TBC1D5: variants seen among roughly 807,000 people sequenced by gnomAD.
TBC1D5 encodes the protein TBC1 domain family member 5.
Under a neutral mutation model 100.3 loss-of-function variants are expected in TBC1D5, and 75 were observed. That is an observed-to-expected ratio of 0.75 (90% confidence interval 0.62 to 0.91). TBC1D5 has a LOEUF of 0.91. Among genes scored for constraint, TBC1D5 ranks in the 40% least tolerant of loss-of-function variants. TBC1D5 has a pLI of 0.00. For missense variants in TBC1D5, 910 were observed against 942.4 expected (o/e 0.97, Z 0.45); for synonymous variants, 323 against 325.6 (o/e 0.99, Z 0.09).
chr3:17,696,777 C>G (rs1204680371), intron 1 of TBC1D5, among the ~76,000 whole-genome samples: 1 of 152,122 alleles, frequency 6.6e-6, no homozygotes, highest in African/African-American at 2.4e-5. Context: ...TTCCCGATAC[C>G]AAAGCCTGGC....
At chr3:17,308,776 T>A (rs140588843) in intron 13 of TBC1D5, among the ~76,000 whole-genome samples, 1 of 152,134 alleles carries the variant, frequency 6.6e-6, no homozygotes, top group Non-Finnish European at 1.5e-5. Flanking sequence ...GGAGTGTTTT[T>A]CAAACTTACT....
chr3:17,540,059 A>T (rs905816233), intron 2 of TBC1D5, among the ~76,000 whole-genome samples: 1 of 152,170 alleles, frequency 6.6e-6, no homozygotes, highest in Non-Finnish European at 1.5e-5. Flanking sequence ...GTGGTATTTC[A>T]TTATAGTTTT....
intron 15 of TBC1D5, among the ~76,000 whole-genome samples, chr3:17,260,687 A>ACAC (rs1161090603): frequency 1.3e-5 from 2 of 152,234 alleles, no homozygotes; most frequent in Non-Finnish European, 2.9e-5. Context: ...AAATATACAG[A>ACAC]CATATAGATG....
intron 3 of TBC1D5, among the ~76,000 whole-genome samples, chr3:17,435,496 CA>C (rs998153653): frequency 5.9e-5 from 9 of 152,218 alleles, no homozygotes; most frequent in African/African-American, 2.2e-4. Context: ...GGAGAAATGC[CA>C]ATTAAAAGGG....
intron 17 of TBC1D5, among the ~76,000 whole-genome samples, chr3:17,219,370 A>G (rs1192499410): frequency 6.6e-6 from 1 of 151,644 alleles, no homozygotes; most frequent in African/African-American, 2.4e-5. Context: ...TGACATATTT[A>G]CAGTAGCTGA....
At chr3:17,608,386 G>GA (rs920632714) in intron 2 of TBC1D5, among the ~76,000 whole-genome samples, 1 of 152,114 alleles carries the variant, frequency 6.6e-6, no homozygotes, top group African/African-American at 2.4e-5. Flanking sequence ...TAAAAAGGGG[G>GA]AAAAAATTGC....
chr3:17,251,460 A>T (rs1313192726), intron 16 of TBC1D5, among the ~76,000 whole-genome samples: 1 of 124,770 alleles, frequency 8.0e-6, no homozygotes, highest in African/African-American at 2.9e-5. Context: ...TTAGAAGTGG[A>T]GGTTAGACAA....
chr3:17,528,620 T>G (rs1205185202), intron 2 of TBC1D5, among the ~76,000 whole-genome samples: 2 of 152,100 alleles, frequency 1.3e-5, no homozygotes, highest in Admixed American at 1.3e-4. Context: ...CTACTCCTCT[T>G]TCACCCCCCC....
rs546066270 is a variant in TBC1D5, at chr3:17,440,440, A to C, written c.98-11921T>G. The stretch of plus-strand genomic sequence containing the variant: ...CAGGAGTTTGAGACCAGCCTGGGCT[A>C]CATGGCAAAACTCATATTTACAAAA... On this transcript the variant is annotated intron_variant, in intron 3 of 21. Transcript: ENST00000253692. Among the ~76,000 whole-genome samples the C allele has an allele frequency of 9.9e-5, 15 of 152,256 alleles. No individual in the cohort carries two copies. In the East Asian group the frequency reaches 1.9e-3, roughly 20 times the overall value.
upstream of TBC1D5, chr3:17,742,444 G>A (rs1412942481): frequency 6.5e-6 from 1 of 153,004 alleles, no homozygotes; most frequent in African/African-American, 2.4e-5. Context: ...CAGAGGGCTT[G>A]GGCTTTTTTA....
At chr3:17,260,509 T>C (rs906457922) in intron 15 of TBC1D5, among the ~76,000 whole-genome samples, 1 of 152,104 alleles carries the variant, frequency 6.6e-6, no homozygotes, top group Non-Finnish European at 1.5e-5. Context: ...AGAGACTTAC[T>C]GGTATCAAAG....
chr3:17,534,512 C>T (rs865796262), intron 2 of TBC1D5, among the ~76,000 whole-genome samples: 4 of 152,172 alleles, frequency 2.6e-5, no homozygotes, highest in South Asian at 2.1e-4. Flanking sequence ...AACAGACTAT[C>T]ACTTCATTAT....
intron 1 of TBC1D5, among the ~76,000 whole-genome samples, chr3:17,669,921 T>C (rs1261721779): frequency 6.6e-6 from 1 of 152,214 alleles, no homozygotes; most frequent in African/African-American, 2.4e-5. Flanking sequence ...GTTTCCCTCT[T>C]GTTGCCCAGG....
chr3:17,272,241 T>C (rs979982677), intron 15 of TBC1D5, among the ~76,000 whole-genome samples: 17 of 152,222 alleles, frequency 1.1e-4, no homozygotes, highest in African/African-American at 3.4e-4. Context: ...ACTTTATGTG[T>C]TATACAAGTA....
intron 13 of TBC1D5, among the ~76,000 whole-genome samples, chr3:17,323,372 C>T (rs917244964): frequency 3.9e-5 from 6 of 152,016 alleles, no homozygotes; most frequent in South Asian, 4.2e-4. Context: ...AAAATATTAG[C>T]GAATAAATTC....
intron 16 of TBC1D5, among the ~76,000 whole-genome samples, chr3:17,256,969 TAACAG>T (rs1166721756): frequency 6.6e-6 from 1 of 151,820 alleles, no homozygotes; most frequent in Non-Finnish European, 1.5e-5. Flanking sequence ...CAAGGGCAAA[TAACAG>T]AGAAGGCTGA....
At chr3:17,641,548 TA>T (rs2064507087) in intron 1 of TBC1D5, among the ~76,000 whole-genome samples, 1 of 152,128 alleles carries the variant, frequency 6.6e-6, no homozygotes. Flanking sequence ...GAAAAGTAAC[TA>T]ACACTTAGAG....
At chr3:17,647,223 T>C (rs2065093188) in intron 1 of TBC1D5, among the ~76,000 whole-genome samples, 1 of 152,156 alleles carries the variant, frequency 6.6e-6, no homozygotes, top group African/African-American at 2.4e-5. Context: ...GTATCCATCA[T>C]GTGCCAAGTA....
chr3:17,661,274 A>G (rs2153743130), intron 1 of TBC1D5, among the ~76,000 whole-genome samples: 1 of 152,330 alleles, frequency 6.6e-6, no homozygotes, highest in East Asian at 1.9e-4. Flanking sequence ...CTAAGTCACC[A>G]AAAGTGAGAC....
Sources: gnomAD v4.1 joint callset for allele counts (sites outside exome capture counted in the v4.1 genomes callset) on GRCh38, gnomAD v4.1.1 for gene constraint, MANE v1.5 for transcripts, NCBI Gene and HGNC (gene_info 2026-07-23, HGNC 2026-07-21) for gene names.